BOC: variants seen among roughly 807,000 people sequenced by gnomAD.
The protein encoded by BOC is BOC cell adhesion associated, oncogene regulated.
BOC carries 76 observed loss-of-function variants against 112.0 expected under a neutral mutation model. The observed-to-expected ratio is 0.68, with a 90% CI of 0.56 to 0.82. BOC has a LOEUF of 0.82. Among genes scored for constraint, BOC ranks in the 40% least tolerant of loss-of-function variants. BOC has a pLI of 0.00. For missense variants in BOC, 1,309 were observed against 1,511.7 expected, an observed-to-expected ratio of 0.87 and a Z score of 2.22; for synonymous variants, 580 against 599.8, an observed-to-expected ratio of 0.97 and a Z score of 0.48.
rs202008869 is a variant in BOC, at chr3:113,279,463, C to T, written c.2023+8C>T. 2.7e-4 allele frequency: 440 copies of T among 1,612,524 alleles called. 1 individual carries two copies. The highest frequency in any genetic ancestry group is 1.3e-4 in the Non-Finnish European group (149 of 1,179,656). On this transcript the variant is annotated splice_region_variant and intron_variant, in intron 12 of 19. Coordinates refer to ENST00000682979, the MANE Select transcript of BOC (RefSeq NM_001378074.1). ...TCACGGGCCTAGAGAAAGGTAGGGGCCTGGCCACACCGTGGCCTTGGCCTG... is the reference window on the plus strand; with the variant it reads ...TCACGGGCCTAGAGAAAGGTAGGGGTCTGGCCACACCGTGGCCTTGGCCTG...
At chr3:113,285,168 T>C (rs541713021) in intron 18 of BOC, among the ~76,000 whole-genome samples, 8 of 152,356 alleles carry the variant, frequency 5.3e-5, no homozygotes, top group Admixed American at 5.2e-4. Context: ...TTCTCCCACA[T>C]GGAGTAAAAT....
At position 113,274,510 on chromosome 3, in the gene BOC, C is replaced by T; in HGVS notation, c.1370C>T (p.Pro457Leu). The stretch of plus-strand genomic sequence containing the variant: ...CCCAGACCCCCAACGTCAGTGGGGC[C>T]TGCTTCCCCGCAGTGTCCAGGAGAG... ...ALPRPPTSVG[P>L]ASPQCPGEKG... is the part of the protein sequence containing the mutation. The change falls in exon 9 of 20, where the codon CCT (proline) becomes CTT (leucine). Residue 457 changes from proline to leucine, a missense_variant. By Grantham distance (98) the Pro-to-Leu change is moderately conservative. Transcript: ENST00000682979. The surrounding 1 kb of genome is among the most constrained non-coding windows in gnomAD (Gnocchi z 4.8). The T allele has an allele frequency of 6.2e-7, 1 of 1,613,216 alleles. No homozygotes were observed. Among genetic ancestry groups the T allele is most frequent in the South Asian group, 1.1e-5 (1 of 91,072 alleles).
chr3:113,254,095 GCTT>G (rs1288616295), intron 4 of BOC, among the ~76,000 whole-genome samples: 2 of 152,196 alleles, frequency 1.3e-5, no homozygotes, highest in African/African-American at 4.8e-5. Context: ...ATTCCTGGCT[GCTT>G]CTTCCTCTGG....
intron 2 of BOC, among the ~76,000 whole-genome samples, chr3:113,217,589 G>A (rs919155171): frequency 6.6e-6 from 1 of 151,984 alleles, no homozygotes; most frequent in Non-Finnish European, 1.5e-5. Context: ...AGAGAGAGAG[G>A]AGTTGCAATC....
chr3:113,215,847 C>T (rs765155672), intron 1 of BOC, among the ~76,000 whole-genome samples: 8 of 152,178 alleles, frequency 5.3e-5, no homozygotes, highest in Non-Finnish European at 1.2e-4. Context: ...CAAATCCCTT[C>T]CATGTAAGCC....
At position 113,274,389 on chromosome 3, in the gene BOC, C is replaced by T; in HGVS notation, c.1249C>T (p.Leu417=). 1 of 1,551,750 alleles carries T rather than the reference C, an allele frequency of 6.4e-7. No individual in the cohort carries two copies. The highest frequency in any genetic ancestry group is 8.7e-7 in the Non-Finnish European group (1 of 1,145,264). ...RTSRPSITPR[L]WQDAELATGT... ...TGGTCCTCCAGGCATAACCCCAAGG[C>T]TATGGCAGGATGCTGAGCTGGCTAC... is the stretch of plus-strand genomic sequence containing the variant. Residue 417 remains leucine (L), a synonymous_variant, in exon 9 of 20, where the codon CTA becomes TTA. Coordinates refer to ENST00000682979, the MANE Select transcript of BOC (RefSeq NM_001378074.1). This position sits in a 1 kb window ranked among gnomAD's most constrained non-coding sequence, Gnocchi z 4.8.
intron 4 of BOC, among the ~76,000 whole-genome samples, chr3:113,260,712 C>T (rs1324701415): frequency 9.3e-6 from 1 of 107,032 alleles, no homozygotes; most frequent in Non-Finnish European, 2.1e-5. Context: ...CAGAACAGAA[C>T]AGAACAGAAA....
rs544076584 is a variant in BOC at position 113,253,646 on chromosome 3, T to A, written c.376+2813T>A. On this transcript the variant is annotated intron_variant, in intron 4 of 19. Transcript: ENST00000682979. ...CAACTGATAACATTTTTCATGTACA[T>A]CCACCCATGTAACCATCCCCAATGT... Among the ~76,000 whole-genome samples the A allele has an allele frequency of 2.0e-5, 3 of 152,176 alleles. No individual in the cohort carries two copies. The South Asian group carries it at 6.3e-4, about 32-fold the overall frequency.
intron 4 of BOC, among the ~76,000 whole-genome samples, chr3:113,263,766 A>G (rs1189399410): frequency 2.0e-5 from 3 of 152,246 alleles, no homozygotes; most frequent in Non-Finnish European, 4.4e-5. Context: ...TAGAGACTAG[A>G]AGGTGGTGAG....
In BOC at chr3:113,286,963, A is replaced by G. The variant is rs768574631; in HGVS notation, c.*101A>G. On this transcript the variant is annotated 3_prime_UTR_variant, in exon 20 of 20. Coordinates refer to ENST00000682979, the MANE Select transcript of BOC (RefSeq NM_001378074.1). ...AAATTGGTATTTATTTTTCTATTAT[A>G]GCCATATTTATATATTTATGCACTT... 37 of 1,155,828 alleles carry G rather than the reference A, an allele frequency of 3.2e-5. No homozygotes were observed. The highest frequency in any genetic ancestry group is 3.8e-5 in the Non-Finnish European group (31 of 819,390). The allele number at this position is 1,155,828 out of a possible 1,614,324, so 71.6% of individuals were successfully genotyped here.
chr3:113,253,813 T>G (rs1400839797), intron 4 of BOC, among the ~76,000 whole-genome samples: 1 of 152,174 alleles, frequency 6.6e-6, no homozygotes, highest in East Asian at 1.9e-4. Flanking sequence ...TGTTGATTAT[T>G]GCAAATGAGA....
intron 15 of BOC, among the ~76,000 whole-genome samples, chr3:113,282,602 G>A (rs1048056594): frequency 1.3e-5 from 2 of 152,160 alleles, no homozygotes; most frequent in Non-Finnish European, 2.9e-5. Context: ...CTCCTGCCCC[G>A]TGCAGGGGGT....
chr3:113,249,826 G>C lies in BOC; in HGVS notation c.24G>C (p.Ala8=). The change falls in exon 3 of 20, where the codon GCG becomes GCC. Residue 8 remains alanine (A), a synonymous_variant. Transcript: ENST00000682979. The part of the protein sequence containing the change: MLRGTMT[A]WRGMRPEVTL... Reference sequence around the variant, plus strand: ...CCATGCTGCGTGGGACGATGACGGCGTGGAGAGGAATGAGGCCTGAGGTCA... The same window carrying C: ...CCATGCTGCGTGGGACGATGACGGCCTGGAGAGGAATGAGGCCTGAGGTCA... 6.2e-7 allele frequency: 1 copy of C among 1,613,254 alleles called. No individual in the cohort carries two copies. Among genetic ancestry groups the C allele is most frequent in the East Asian group, 2.2e-5 (1 of 44,864 alleles).
Position 113,279,405 on chromosome 3 carries a change from GCGCCATCCCC to G in BOC, c.1975_1984del (p.Ala659HisfsTer11). 1.9e-6 allele frequency: 3 copies of G among 1,614,214 alleles called. No individual in the cohort carries two copies. Among genetic ancestry groups the G allele is most frequent in the Non-Finnish European group, 2.5e-6 (3 of 1,180,020 alleles). The stretch of plus-strand genomic sequence containing the variant: ...GTGGGAGACTGGATTCTGGCCACCA[GCGCCATCCCC>G]CCATCGCGGCTGTCCGTGGAGATCA... On this transcript the variant is annotated frameshift_variant, in exon 12 of 20. Coordinates refer to ENST00000682979, the MANE Select transcript of BOC (RefSeq NM_001378074.1). LOFTEE classifies it high-confidence loss of function.
intron 2 of BOC, among the ~76,000 whole-genome samples, chr3:113,245,821 G>A (rs1028884762): frequency 5.9e-5 from 9 of 152,156 alleles, no homozygotes; most frequent in Non-Finnish European, 1.2e-4. Flanking sequence ...CTTTGTTATT[G>A]GTCTTAGGAC....
At chr3:113,216,107 A>G (rs1939319741) in intron 1 of BOC, 80 bp from the exon 2 acceptor site, 1 of 380,580 alleles carries the variant, frequency 2.6e-6, no homozygotes, top group African/African-American at 2.1e-5. Context: ...TATGGTTTAT[A>G]TCAATGCACC....
In BOC at chr3:113,283,651, C is replaced by A. The variant is rs577047025; in HGVS notation, c.2656+19C>A. The A allele has an allele frequency of 1.1e-4, 173 of 1,604,812 alleles. No homozygotes were observed. The highest frequency in any genetic ancestry group is 1.4e-4 in the Non-Finnish European group (168 of 1,172,296). ...AAGCAAAGTGAGTGAGTGACGCTTT[C>A]AGTGGGAGGATCCTGGGTGGGAAAT... On this transcript the variant is annotated intron_variant, in intron 16 of 19. Transcript: ENST00000682979.
At chr3:113,235,321 G>T (rs1240498773) in intron 2 of BOC, among the ~76,000 whole-genome samples, 1 of 152,186 alleles carries the variant, frequency 6.6e-6, no homozygotes, top group Non-Finnish European at 1.5e-5. Flanking sequence ...ATTAGAAAGA[G>T]GGATGGAGAA....
intron 13 of BOC, 141 bp downstream of exon 13, chr3:113,280,146 G>C: frequency 1.1e-6 from 1 of 898,128 alleles, no homozygotes; most frequent in South Asian, 1.8e-5. Flanking sequence ...AGTGGCTGGA[G>C]CTGCTCTAGT....
Sources: allele counts gnomAD v4.1 joint callset (sites outside exome capture counted in the v4.1 genomes callset), GRCh38; gene constraint gnomAD v4.1.1; non-coding constraint Gnocchi (gnomAD v3.1); transcripts MANE v1.5; gene names NCBI Gene and HGNC (gene_info 2026-07-23, HGNC 2026-07-21).